The following GLIS3 variants were observed in gnomAD, a reference collection of about 807,000 sequenced individuals.
GLIS3 encodes GLIS family zinc finger 3.
A neutral mutation model predicts 78.6 loss-of-function variants in GLIS3; 53 were observed. That is an observed-to-expected ratio of 0.67 (90% CI 0.54 to 0.85). The LOEUF is 0.85. Among genes scored for constraint, GLIS3 ranks in the 40% least tolerant of loss-of-function variants. The pLI, the probability that GLIS3 is intolerant of heterozygous loss-of-function variation, is 0.00. For synonymous variants in GLIS3, 684 were observed against 509.9 expected, an observed-to-expected ratio of 1.34 and a Z score of -4.60; for missense variants, 1,703 against 1,231.1, an observed-to-expected ratio of 1.38 and a Z score of -5.74.
intron 2 of GLIS3, among the ~76,000 whole-genome samples, chr9:4,170,235 A>G (rs887244716): frequency 8.5e-5 from 13 of 152,222 alleles, no homozygotes; most frequent in African/African-American, 2.4e-4. Flanking sequence ...GACTGTGAAG[A>G]TAGGAATTAA....
chr9:4,416,821 T>TG, the GLIS3 span, among the ~76,000 whole-genome samples: 1 of 143,630 alleles, frequency 7.0e-6, no homozygotes, highest in African/African-American at 2.7e-5. Flanking sequence ...AGTTTTTTTT[T>TG]TTTTTTTTTT....
At chr9:4,484,512 G>A in the GLIS3 span, among the ~76,000 whole-genome samples, 2 of 138,576 alleles carry the variant, frequency 1.4e-5, no homozygotes, top group African/African-American at 5.4e-5. Context: ...TCTGCCTCTC[G>A]AGTTCAAGCA....
chr9:4,186,770 T>C (rs913806696), intron 2 of GLIS3, among the ~76,000 whole-genome samples: 4 of 152,224 alleles, frequency 2.6e-5, no homozygotes, highest in Admixed American at 2.0e-4. Flanking sequence ...CTTTTTTTCA[T>C]GTGTCTTTTG....
At chr9:4,104,695 A>G (rs1217363593) in intron 4 of GLIS3, among the ~76,000 whole-genome samples, 1 of 152,064 alleles carries the variant, frequency 6.6e-6, no homozygotes, top group Non-Finnish European at 1.5e-5. Flanking sequence ...GGACTCCTTG[A>G]TGTTTCTAGA....
chr9:4,472,904 T>C, the GLIS3 span, among the ~76,000 whole-genome samples: 1 of 152,336 alleles, frequency 6.6e-6, no homozygotes, highest in Admixed American at 6.5e-5. Context: ...ACTATATTTC[T>C]AGATATCATT....
chr9:4,081,899 G>A lies in GLIS3; in HGVS notation c.1710+35869C>T, dbSNP rs527996464. Among the ~76,000 whole-genome samples the A allele has an allele frequency of 6.6e-5, 10 of 152,278 alleles. No individual in the cohort carries two copies. The East Asian group carries it at 1.9e-3, about 29-fold the overall frequency. ...TTTTTGTATTCTCAAACTTGAAAAT[G>A]AAGGCAAAATACTCCTAGAAGCCAC... On this transcript the variant is annotated intron_variant, in intron 4 of 10. Transcript: ENST00000381971.
At chr9:3,897,637 C>A (rs980470879) in intron 7 of GLIS3, among the ~76,000 whole-genome samples, 1 of 152,212 alleles carries the variant, frequency 6.6e-6, no homozygotes, top group Non-Finnish European at 1.5e-5. Context: ...TGATAAAGGT[C>A]CAATGGGCCA....
At chr9:4,182,169 T>A (rs1269788128) in intron 2 of GLIS3, among the ~76,000 whole-genome samples, 1 of 152,226 alleles carries the variant, frequency 6.6e-6, no homozygotes, top group Non-Finnish European at 1.5e-5. Flanking sequence ...AACGTTATTG[T>A]TCATTTTGAT....
At position 3,970,479 on chromosome 9, in the gene GLIS3, G is replaced by A. The variant is rs183865335; in HGVS notation, c.1711-33290C>T. ...TATTTGTAGAAGAAATTTTTATTTT[G>A]TCAACCTAAAAGTTTGCCATAGACA... On this transcript the variant is annotated intron_variant, in intron 4 of 10. Transcript: ENST00000381971. Among the ~76,000 whole-genome samples the A allele has an allele frequency of 3.5e-4, 53 of 152,182 alleles. No homozygotes were observed. The East Asian group carries it at 8.1e-3, about 23-fold the overall frequency.
the GLIS3 span, among the ~76,000 whole-genome samples, chr9:4,381,493 G>C: frequency 6.6e-6 from 1 of 152,278 alleles, no homozygotes; most frequent in Non-Finnish European, 1.5e-5. Context: ...CACAGGAAAA[G>C]ATAAGAGTTG....
the GLIS3 span, among the ~76,000 whole-genome samples, chr9:4,359,805 T>C: frequency 3.2e-3 from 488 of 152,218 alleles, 4 homozygotes; most frequent in African/African-American, 0.011. Context: ...TTAGTTAATA[T>C]TTACCTTGAA....
At chr9:4,468,839 G>A in the GLIS3 span, among the ~76,000 whole-genome samples, 1 of 152,154 alleles carries the variant, frequency 6.6e-6, no homozygotes, top group African/African-American at 2.4e-5. Context: ...GACACAGACT[G>A]GCAAATTGGA....
chr9:3,923,510 G>C (rs1825029235), intron 6 of GLIS3, among the ~76,000 whole-genome samples: 1 of 151,846 alleles, frequency 6.6e-6, no homozygotes, highest in African/African-American at 2.4e-5. Flanking sequence ...ACAGACATCA[G>C]CAAGGTCACC....
chr9:4,045,082 G>T (rs749917651), intron 4 of GLIS3, among the ~76,000 whole-genome samples: 1 of 152,190 alleles, frequency 6.6e-6, no homozygotes, highest in Non-Finnish European at 1.5e-5. Flanking sequence ...GCAGCCAACA[G>T]CAGTGGCCAG....
At chr9:3,841,017 A>T (rs1818681221) in intron 9 of GLIS3, among the ~76,000 whole-genome samples, 1 of 152,024 alleles carries the variant, frequency 6.6e-6, no homozygotes, top group Non-Finnish European at 1.5e-5. Flanking sequence ...AAACAAGGGG[A>T]TGGGAACGGG....
At chr9:3,834,525 C>T (rs1818233815) in intron 9 of GLIS3, among the ~76,000 whole-genome samples, 1 of 152,002 alleles carries the variant, frequency 6.6e-6, no homozygotes, top group Non-Finnish European at 1.5e-5. Context: ...GCTATTGTAC[C>T]TGACAGCACA....
chr9:4,168,957 G>C (rs971462130), intron 2 of GLIS3, among the ~76,000 whole-genome samples: 1 of 152,186 alleles, frequency 6.6e-6, no homozygotes, highest in African/African-American at 2.4e-5. Flanking sequence ...GAAAAAATAT[G>C]AGTTATTTAA....
chr9:4,084,376 G>A (rs910448910), intron 4 of GLIS3, among the ~76,000 whole-genome samples: 1 of 151,818 alleles, frequency 6.6e-6, no homozygotes, highest in Non-Finnish European at 1.5e-5. Context: ...AAGAACCTTT[G>A]GTAGAAATGC....
intron 3 of GLIS3, among the ~76,000 whole-genome samples, chr9:4,121,588 A>G (rs571438358): frequency 6.6e-6 from 1 of 151,856 alleles, no homozygotes; most frequent in Admixed American, 6.6e-5. Context: ...TTTTACAAAG[A>G]ATAAAACAGG....
Sources: gnomAD v4.1 joint callset for allele counts (sites outside exome capture counted in the v4.1 genomes callset) on GRCh38, gnomAD v4.1.1 for gene constraint, MANE v1.5 for transcripts, NCBI Gene and HGNC (gene_info 2026-07-23, HGNC 2026-07-21) for gene names.